The following IQUB variants were observed in gnomAD, a reference collection of about 807,000 sequenced individuals.
IQUB encodes IQ motif and ubiquitin domain containing.
In IQUB, 86 loss-of-function variants were observed where a neutral mutation model predicts 86.4. The observed-to-expected ratio is 1.00, with a 90% CI of 0.84 to 1.19. The LOEUF (loss-of-function observed/expected upper bound fraction) is 1.19, where lower values mean the gene tolerates loss of function less well. Ranked by LOEUF, IQUB falls within the 50% of genes most tolerant of loss-of-function variation. The pLI is 0.00. For missense variants in IQUB, 946 were observed against 916.9 expected (o/e 1.03, Z -0.41); for synonymous variants, 289 against 304.5 (o/e 0.95, Z 0.53).
chr7:123,494,231 C>T (rs936652781), intron 7 of IQUB, among the ~76,000 whole-genome samples: 7 of 152,042 alleles, frequency 4.6e-5, no homozygotes, highest in African/African-American at 7.2e-5. Context: ...AGATAGCCTC[C>T]TCTTTGACAT....
At position 123,529,724 on chromosome 7, in the gene IQUB, T is replaced by TAAAAAAAAAAA. The variant is rs753026777; in HGVS notation, c.-5+4757_-5+4767dup. Among the ~76,000 whole-genome samples the TAAAAAAAAAAA allele has an allele frequency of 2.5e-4, 9 of 35,824 alleles. 2 individuals carry two copies. The highest frequency in any genetic ancestry group is 5.3e-4 in the Admixed American group (1 of 1,898). 23.5% of individuals were successfully genotyped at this position (35,824 alleles called of 152,430 possible). ...AACATAGTGAAACCCTGTCTCTACTTAAAAAAAAAAAAAAAAAAAAAAAAA... is the reference window on the plus strand; with the variant it reads ...AACATAGTGAAACCCTGTCTCTACTTAAAAAAAAAAAAAAAAAAAAAAAAAAAAAAAAAAAA... On this transcript the variant is annotated intron_variant, in intron 1 of 12. Coordinates refer to ENST00000324698, the MANE Select transcript of IQUB (RefSeq NM_178827.5).
chr7:123,525,254 C>G (rs199961648), intron 1 of IQUB, among the ~76,000 whole-genome samples: 2 of 151,434 alleles, frequency 1.3e-5, no homozygotes, highest in Non-Finnish European at 3.0e-5. Flanking sequence ...TTCTATTGAT[C>G]GGAATAGTTT....
Position 123,469,251 on chromosome 7 carries a change from C to T in IQUB, c.1544G>A (p.Arg515Lys), listed in dbSNP as rs2117017207. 1 of 1,602,310 alleles carries T rather than the reference C, an allele frequency of 6.2e-7. No individual in the cohort carries two copies. The highest frequency in any genetic ancestry group is 8.5e-7 in the Non-Finnish European group (1 of 1,174,786). Reference sequence around the variant, plus strand: ...TTTAAGAGTTAACAGCACATCCAGCCTCTCATCTTGGGAGATATTTTTCAG... The same window carrying T: ...TTTAAGAGTTAACAGCACATCCAGCTTCTCATCTTGGGAGATATTTTTCAG... ...IMLKNISQDE[R>K]LDVLLTLKHT... The change falls in exon 9 of 13, where the codon AGG becomes AAG. Residue 515 changes from arginine (R) to lysine (K), a missense_variant. Arg to Lys is a conservative substitution (Grantham distance 26). Coordinates refer to ENST00000324698, the MANE Select transcript of IQUB (RefSeq NM_178827.5).
At chr7:123,519,868 G>A (rs991412641) in intron 1 of IQUB, among the ~76,000 whole-genome samples, 1 of 152,140 alleles carries the variant, frequency 6.6e-6, no homozygotes, top group Non-Finnish European at 1.5e-5. Flanking sequence ...ATTACAAATT[G>A]TATGCACGTA....
rs75702654 is a variant in IQUB at position 123,497,080 on chromosome 7, T to C, written c.1024-174A>G. The stretch of plus-strand genomic sequence containing the variant: ...ACATAAAAAACATGTATAATGCATG[T>C]GACTGCTATTTGACTTTGACATCTC... On this transcript the variant is annotated intron_variant, in intron 6 of 12. Coordinates refer to ENST00000324698, the MANE Select transcript of IQUB (RefSeq NM_178827.5). Among the ~76,000 whole-genome samples, 1,284 of 152,286 alleles carry C rather than the reference T, an allele frequency of 8.4e-3. 18 individuals carry two copies. The highest frequency in any genetic ancestry group is 0.029 in the African/African-American group (1,199 of 41,576).
chr7:123,469,414 C>T (rs1467682090), intron 8 of IQUB, 30 bp from the exon 9 acceptor site: 3 of 1,367,848 alleles, frequency 2.2e-6, no homozygotes, highest in East Asian at 5.0e-5. Context: ...TTATAATTAT[C>T]AGTTAATTAG....
chr7:123,504,155 G>A (rs1429784063), intron 3 of IQUB, among the ~76,000 whole-genome samples: 1 of 152,106 alleles, frequency 6.6e-6, no homozygotes, highest in Admixed American at 6.6e-5. Context: ...AATTTATAAA[G>A]AAAAGACATT....
chr7:123,509,842 A>G (rs1796339972), intron 3 of IQUB, 59 bp downstream of exon 3: 1 of 1,409,864 alleles, frequency 7.1e-7, no homozygotes, highest in Non-Finnish European at 9.8e-7. Flanking sequence ...AAAGATCTTG[A>G]TTGTTTACAT....
rs538786911 is a variant in IQUB, at chr7:123,473,994, A to G, written c.1411-4610T>C. Among the ~76,000 whole-genome samples the G allele has an allele frequency of 1.2e-3, 184 of 152,146 alleles. 1 individual carries two copies. Among genetic ancestry groups the G allele is most frequent in the Non-Finnish European group, 1.9e-3 (131 of 68,026 alleles). ...AGTTAGCCTTTTATTAAGAATGAGGACTTAGTATAGAGCCTATTATAATCT... is the reference window on the plus strand; with the variant it reads ...AGTTAGCCTTTTATTAAGAATGAGGGCTTAGTATAGAGCCTATTATAATCT... On this transcript the variant is annotated intron_variant, in intron 8 of 12. Transcript: ENST00000324698.
intron 10 of IQUB, among the ~76,000 whole-genome samples, chr7:123,461,822 T>C (rs552688250): frequency 4.6e-5 from 7 of 151,948 alleles, no homozygotes; most frequent in African/African-American, 1.7e-4. Context: ...TGCCAAAATA[T>C]TGAAAATCTG....
intron 1 of IQUB, among the ~76,000 whole-genome samples, chr7:123,512,760 C>G (rs1016705713): frequency 6.6e-6 from 1 of 152,134 alleles, no homozygotes; most frequent in African/African-American, 2.4e-5. Context: ...GTACCCTGAA[C>G]AGAATACACT....
At chr7:123,465,604 G>T (rs1021053595) in intron 9 of IQUB, among the ~76,000 whole-genome samples, 13 of 151,972 alleles carry the variant, frequency 8.6e-5, no homozygotes, top group Non-Finnish European at 1.8e-4. Flanking sequence ...AGTAACAAGC[G>T]ATTAATGTAG....
chr7:123,494,264 A>G (rs1376905163), intron 7 of IQUB, among the ~76,000 whole-genome samples: 2 of 152,060 alleles, frequency 1.3e-5, no homozygotes, highest in Non-Finnish European at 2.9e-5. Context: ...AGCTAAGTTT[A>G]TTTTCTTAAA....
rs546659630 is a variant in IQUB, at chr7:123,528,115, A to G, written c.-5+6377T>C. On this transcript the variant is annotated intron_variant, in intron 1 of 12. Transcript: ENST00000324698. ...TGTCACCACTTTCTTTGACTAGGAA[A>G]GGGAACTCCCTGACCCCTTGCGCTT... is the stretch of plus-strand genomic sequence containing the variant. Among the ~76,000 whole-genome samples the G allele has an allele frequency of 3.3e-5, 5 of 152,336 alleles. No homozygotes were observed. The East Asian group carries it at 7.7e-4, about 24-fold the overall frequency.
intron 9 of IQUB, among the ~76,000 whole-genome samples, chr7:123,466,964 A>G (rs1361358410): frequency 6.6e-6 from 1 of 152,102 alleles, no homozygotes; most frequent in Admixed American, 6.6e-5. Flanking sequence ...CTATATTTCT[A>G]TGCTATACTG....
rs754146879 is a variant in IQUB at position 123,461,571 on chromosome 7, ATCT to A, written c.1790_1792del (p.Lys597del). On this transcript the variant is annotated inframe_deletion, in exon 11 of 13. Transcript: ENST00000324698. ...AAGCTGGCAACTGTGGCAAAAGTAA[ATCT>A]TCTTATAAAATTTCAATGGGTCTTG... 2.5e-6 allele frequency: 4 copies of A among 1,611,194 alleles called. No homozygotes were observed. Among genetic ancestry groups the A allele is most frequent in the Non-Finnish European group, 3.4e-6 (4 of 1,178,314 alleles).
In IQUB at chr7:123,509,913, T is replaced by A; in HGVS notation, c.520A>T (p.Ile174Leu). 1 of 1,603,820 alleles carries A rather than the reference T, an allele frequency of 6.2e-7. No homozygotes were observed. The highest frequency in any genetic ancestry group is 8.5e-7 in the Non-Finnish European group (1 of 1,176,822). Residue 174 changes from isoleucine (I) to leucine (L), a missense_variant, in exon 3 of 13, where the codon ATA becomes TTA. Transcript: ENST00000324698. ...LLGIPHSVLQ[I>L]RYSGKILKNN... ...CCTCCAAACTTACCTGAGTATCTTA[T>A]CTGCAGTACAGAATGTGGGATACCT... is the stretch of plus-strand genomic sequence containing the variant.
intron 8 of IQUB, 99 bp downstream of exon 8, chr7:123,479,696 C>T: frequency 2.4e-6 from 2 of 846,670 alleles, no homozygotes; most frequent in Non-Finnish European, 3.7e-6. Flanking sequence ...AAACAAAATT[C>T]ATGTAAGTTC....
At chr7:123,482,810 A>G (rs1308100108) in intron 7 of IQUB, among the ~76,000 whole-genome samples, 4 of 152,222 alleles carry the variant, frequency 2.6e-5, no homozygotes, top group African/African-American at 9.6e-5. Context: ...ATGACTAAAG[A>G]TTACTGAGAA....
Sources: gnomAD v4.1 joint callset for allele counts (sites outside exome capture counted in the v4.1 genomes callset) on GRCh38, gnomAD v4.1.1 for gene constraint, MANE v1.5 for transcripts, NCBI Gene and HGNC (gene_info 2026-07-23, HGNC 2026-07-21) for gene names.